TYW1: variants seen among roughly 807,000 people sequenced by gnomAD.
The protein encoded by TYW1 is S-adenosyl-L-methionine-dependent tRNA 4-demethylwyosine synthase TYW1.
Under a neutral mutation model 96.2 loss-of-function variants are expected in TYW1, and 46 were observed. That is an observed-to-expected ratio of 0.48 (90% CI 0.38 to 0.61). The LOEUF is 0.61. Among genes scored for constraint, TYW1 ranks in the 20% least tolerant of loss-of-function variants. The pLI, the probability that TYW1 is intolerant of heterozygous loss-of-function variation, is 0.00. For synonymous variants in TYW1, 274 were observed against 323.0 expected (o/e 0.85, Z 1.63); for missense variants, 684 against 909.6 (o/e 0.75, Z 3.19).
chr7:67,112,169 A>G (rs184396535), intron 12 of TYW1, among the ~76,000 whole-genome samples: 32 of 151,648 alleles, frequency 2.1e-4, no homozygotes, highest in Admixed American at 1.9e-3. Context: ...TGATTTCTAC[A>G]AGTTCACAAT....
At chr7:67,176,593 G>T (rs921491470) in intron 13 of TYW1, among the ~76,000 whole-genome samples, 8 of 152,186 alleles carry the variant, frequency 5.3e-5, no homozygotes, top group African/African-American at 1.4e-4. Flanking sequence ...AATTTCACCT[G>T]TGAACTTATA....
rs549828923 is a variant in TYW1, at chr7:67,134,658, A to G, written c.1698+17040A>G. Among the ~76,000 whole-genome samples the G allele has an allele frequency of 5.9e-5, 9 of 152,054 alleles. No individual in the cohort carries two copies. The East Asian group carries it at 1.7e-3, about 29-fold the overall frequency. Reference sequence around the variant, plus strand: ...AGAAAAAGTTTCTGCTAGGCCAGGAAGCGGAAGCTGTCAAAGATACAGGTA... The same window carrying G: ...AGAAAAAGTTTCTGCTAGGCCAGGAGGCGGAAGCTGTCAAAGATACAGGTA... On this transcript the variant is annotated intron_variant, in intron 13 of 15. Coordinates refer to ENST00000359626, the MANE Select transcript of TYW1 (RefSeq NM_018264.4).
chr7:67,140,080 A>G (rs1455831722), intron 13 of TYW1, among the ~76,000 whole-genome samples: 2 of 152,104 alleles, frequency 1.3e-5, no homozygotes, highest in Non-Finnish European at 2.9e-5. Flanking sequence ...GCAGGCAAAA[A>G]AAATGAGAGA....
At chr7:67,052,514 A>G (rs1351393187) in intron 8 of TYW1, among the ~76,000 whole-genome samples, 1 of 151,828 alleles carries the variant, frequency 6.6e-6, no homozygotes, top group African/African-American at 2.4e-5. Flanking sequence ...GTCTTTTTAT[A>G]TTTTCCACAT....
chr7:67,050,944 T>A (rs1584502936), intron 8 of TYW1, among the ~76,000 whole-genome samples: 1 of 151,844 alleles, frequency 6.6e-6, no homozygotes, highest in Non-Finnish European at 1.5e-5. Context: ...CAGTCTGGAG[T>A]GCAGTGGCAT....
chr7:67,104,743 CAG>C (rs1797187737), intron 12 of TYW1, among the ~76,000 whole-genome samples: 1 of 152,150 alleles, frequency 6.6e-6, no homozygotes, highest in South Asian at 2.1e-4. Flanking sequence ...TTTGTCAAAA[CAG>C]AGGTTAATAA....
At chr7:67,214,327 T>A (rs1378599631) in intron 15 of TYW1, among the ~76,000 whole-genome samples, 9 of 152,130 alleles carry the variant, frequency 5.9e-5, no homozygotes, top group Non-Finnish European at 8.8e-5. Flanking sequence ...GCAATTAATT[T>A]TATATATATA....
chr7:67,090,455 C>T (rs779969968), intron 11 of TYW1, among the ~76,000 whole-genome samples: 4 of 152,018 alleles, frequency 2.6e-5, no homozygotes, highest in African/African-American at 7.3e-5. Context: ...TGAAAATTTT[C>T]GGATCTTAAG....
intron 11 of TYW1, among the ~76,000 whole-genome samples, chr7:67,093,608 C>G (rs576540682): frequency 3.9e-5 from 6 of 152,190 alleles, no homozygotes; most frequent in African/African-American, 1.4e-4. Flanking sequence ...GTTGTCTTGG[C>G]AACGTAGAAT....
At chr7:67,176,832 T>G (rs1293431947) in intron 13 of TYW1, among the ~76,000 whole-genome samples, 1 of 152,076 alleles carries the variant, frequency 6.6e-6, no homozygotes, top group Non-Finnish European at 1.5e-5. Flanking sequence ...ATAGTTCTTT[T>G]TAGGAAAAGG....
intron 9 of TYW1, among the ~76,000 whole-genome samples, chr7:67,064,885 G>A (rs2056483): frequency 0.11 from 16,525 of 152,128 alleles, 948 homozygotes; most frequent in Middle Eastern, 0.15. Context: ...ACTGCTCCCC[G>A]CAACAAATTC....
chr7:67,137,366 A>C (rs1368509973), intron 13 of TYW1, among the ~76,000 whole-genome samples: 3 of 152,048 alleles, frequency 2.0e-5, no homozygotes, highest in Non-Finnish European at 2.9e-5. Flanking sequence ...CTGTAATCTC[A>C]GCACTTTGGG....
At chr7:66,997,877 C>T (rs1793241640) in intron 1 of TYW1, among the ~76,000 whole-genome samples, 188 bp from the exon 2 acceptor site, 2 of 152,202 alleles carry the variant, frequency 1.3e-5, no homozygotes, top group Non-Finnish European at 2.9e-5. Flanking sequence ...GATCTGCCCG[C>T]CTCAGCCACC....
At position 67,131,392 on chromosome 7, in the gene TYW1, C is replaced by T. The variant is rs372907330; in HGVS notation, c.1698+13774C>T. Among the ~76,000 whole-genome samples the T allele has an allele frequency of 4.1e-4, 62 of 152,178 alleles. 2 individuals carry two copies. The South Asian group carries it at 8.7e-3, about 21-fold the overall frequency. On this transcript the variant is annotated intron_variant, in intron 13 of 15. Transcript: ENST00000359626. ...GATACAGTGAATAAGATAGTAAGTA[C>T]CACTATAACTATAGTCTAGCTTAAG...
At chr7:67,169,537 A>G (rs1799454373) in intron 13 of TYW1, among the ~76,000 whole-genome samples, 1 of 152,102 alleles carries the variant, frequency 6.6e-6, no homozygotes, top group South Asian at 2.1e-4. Flanking sequence ...AGTAGCTGGG[A>G]CTACAGGCAC....
chr7:67,073,111 A>G (rs1451471452), intron 10 of TYW1, among the ~76,000 whole-genome samples: 1 of 151,802 alleles, frequency 6.6e-6, no homozygotes, highest in Admixed American at 6.6e-5. Flanking sequence ...TCTTTTAGTT[A>G]TCTCGAGATG....
At chr7:67,040,237 C>T (rs1015997995) in intron 7 of TYW1, among the ~76,000 whole-genome samples, 2 of 152,146 alleles carry the variant, frequency 1.3e-5, no homozygotes, top group Admixed American at 6.6e-5. Context: ...GGATAGCCAC[C>T]GGGCCTGGCC....
intron 13 of TYW1, among the ~76,000 whole-genome samples, chr7:67,121,972 C>T (rs1379958935): frequency 1.4e-5 from 2 of 142,050 alleles, no homozygotes; most frequent in East Asian, 1.9e-4. Flanking sequence ...TTTCTGTCCG[C>T]GATAGCTACT....
intron 15 of TYW1, among the ~76,000 whole-genome samples, chr7:67,209,198 G>T (rs1264668006): frequency 1.3e-5 from 2 of 152,198 alleles, no homozygotes; most frequent in Non-Finnish European, 1.5e-5. Context: ...TCAGGTAAAT[G>T]AGCCTGCATG....
Sources: gnomAD v4.1 joint callset for allele counts (sites outside exome capture counted in the v4.1 genomes callset) on GRCh38, gnomAD v4.1.1 for gene constraint, MANE v1.5 for transcripts, NCBI Gene and HGNC (gene_info 2026-07-23, HGNC 2026-07-21) for gene names.